DYNC2H1: variants seen among roughly 807,000 people sequenced by gnomAD.
The protein encoded by DYNC2H1 is cytoplasmic dynein 2 heavy chain 1.
In DYNC2H1, 410 loss-of-function variants were observed where a neutral mutation model predicts 570.0. That is an observed-to-expected ratio of 0.72 (90% CI 0.66 to 0.78). The LOEUF is 0.78. DYNC2H1 is among the 30% of genes least tolerant of loss of function. DYNC2H1 has a pLI of 0.00. For missense variants in DYNC2H1, 4,865 were observed against 5,046.4 expected (o/e 0.96, Z 1.09); for synonymous variants, 1,688 against 1,677.6 (o/e 1.01, Z -0.15).
Position 103,472,721 on chromosome 11 carries a change from A to G in DYNC2H1, c.12765+4016A>G, listed in dbSNP as rs1184740496. Among the ~76,000 whole-genome samples the G allele has an allele frequency of 6.6e-6, 1 of 152,208 alleles. No homozygotes were observed. Among genetic ancestry groups the G allele is most frequent in the African/African-American group, 2.4e-5 (1 of 41,448 alleles). ...ATTAAGCTTTAAAAAAAATTTTGAA[A>G]TAGGAATTGTAATCTCCATTTTAAA... On this transcript the variant is annotated intron_variant, in intron 88 of 88. Coordinates refer to ENST00000375735, the MANE Select transcript of DYNC2H1 (RefSeq NM_001377.3). The surrounding 1 kb of genome is among the most constrained non-coding windows in gnomAD (Gnocchi z 4.1).
chr11:103,129,118 G>A lies in DYNC2H1; in HGVS notation c.1953+113G>A, dbSNP rs1403906732. ...TATCAAATGATCTAGATTTTGTTTT[G>A]CTTCCAGGGACTTCCTTCAATCTTA... On this transcript the variant is annotated intron_variant, in intron 13 of 88. Coordinates refer to ENST00000375735, the MANE Select transcript of DYNC2H1 (RefSeq NM_001377.3). This position sits in a 1 kb window ranked among gnomAD's most constrained non-coding sequence, Gnocchi z 4.1. 3 of 857,458 alleles carry A rather than the reference G, an allele frequency of 3.5e-6. No individual in the cohort carries two copies. The highest frequency in any genetic ancestry group is 5.2e-6 in the Non-Finnish European group (3 of 576,346). The allele number at this position is 857,458 out of a possible 1,614,324, so 53.1% of individuals were successfully genotyped here.
chr11:103,278,298 G>A (rs1233941640), intron 70 of DYNC2H1, among the ~76,000 whole-genome samples: 2 of 152,106 alleles, frequency 1.3e-5, no homozygotes, highest in Non-Finnish European at 2.9e-5. Flanking sequence ...TTCATTATTA[G>A]TACTAATAAA....
At chr11:103,332,429 G>A (rs1336256166) in intron 82 of DYNC2H1, among the ~76,000 whole-genome samples, 3 of 151,852 alleles carry the variant, frequency 2.0e-5, no homozygotes, top group Non-Finnish European at 4.4e-5. Flanking sequence ...ACACCATGCT[G>A]GATAAATTTC....
chr11:103,355,152 G>T (rs984112587), intron 82 of DYNC2H1, among the ~76,000 whole-genome samples: 5 of 151,714 alleles, frequency 3.3e-5, no homozygotes, highest in Admixed American at 6.6e-5. Flanking sequence ...TAAATTTTAA[G>T]TCATTAGTTG....
chr11:103,420,749 C>A (rs1317320971), intron 84 of DYNC2H1, among the ~76,000 whole-genome samples: 2 of 152,122 alleles, frequency 1.3e-5, no homozygotes, highest in African/African-American at 2.4e-5. Context: ...GAAATGAAAA[C>A]CTGTTACCAG....
chr11:103,359,372 C>T (rs534895993), intron 83 of DYNC2H1, among the ~76,000 whole-genome samples: 2 of 152,278 alleles, frequency 1.3e-5, no homozygotes, highest in African/African-American at 4.8e-5. Flanking sequence ...ACAGTTGACT[C>T]TTCCATCTGT....
chr11:103,418,976 G>A (rs1943381236), intron 84 of DYNC2H1, among the ~76,000 whole-genome samples: 1 of 152,176 alleles, frequency 6.6e-6, no homozygotes, highest in Non-Finnish European at 1.5e-5. Flanking sequence ...TACCCAGCAA[G>A]GAAAGAGTCC....
intron 52 of DYNC2H1, among the ~76,000 whole-genome samples, chr11:103,207,631 A>T (rs1376677100): frequency 6.6e-6 from 1 of 152,170 alleles, no homozygotes; most frequent in African/African-American, 2.4e-5. Context: ...CATGGAAAAC[A>T]GTAGTTTGGG....
At chr11:103,397,585 T>C (rs1877755) in intron 83 of DYNC2H1, among the ~76,000 whole-genome samples, 77,682 of 152,036 alleles carry the variant, frequency 0.51, 20,162 homozygotes, top group African/African-American at 0.62. Context: ...ATTGTGGGGA[T>C]TGCTAAATCA....
intron 84 of DYNC2H1, among the ~76,000 whole-genome samples, chr11:103,417,902 T>C (rs537934391): frequency 6.6e-6 from 1 of 151,478 alleles, no homozygotes; most frequent in South Asian, 2.1e-4. Context: ...TGATCAATGT[T>C]ATTTACCATA....
At chr11:103,388,936 T>G (rs1942012459) in intron 83 of DYNC2H1, among the ~76,000 whole-genome samples, 1 of 152,216 alleles carries the variant, frequency 6.6e-6, no homozygotes, top group South Asian at 2.1e-4. Flanking sequence ...TGCATTGATG[T>G]TCATCAGGGA....
At chr11:103,222,387 G>C (rs2135154677) in intron 58 of DYNC2H1, among the ~76,000 whole-genome samples, 1 of 152,238 alleles carries the variant, frequency 6.6e-6, no homozygotes, top group Admixed American at 6.5e-5. Context: ...TGTATCTGCT[G>C]TTAATGTTCT....
intron 30 of DYNC2H1, among the ~76,000 whole-genome samples, chr11:103,164,717 T>C (rs1282935604): frequency 1.3e-5 from 2 of 152,222 alleles, no homozygotes; most frequent in Non-Finnish European, 2.9e-5. Context: ...TTAATTGTCA[T>C]TACATTTTAG....
intron 83 of DYNC2H1, among the ~76,000 whole-genome samples, chr11:103,396,577 A>G (rs959684384): frequency 6.6e-6 from 1 of 152,186 alleles, no homozygotes; most frequent in African/African-American, 2.4e-5. Flanking sequence ...AACAAACAAA[A>G]AGAATGCTAC....
intron 57 of DYNC2H1, 139 bp downstream of exon 57, chr11:103,220,922 A>G: frequency 1.3e-6 from 1 of 750,916 alleles, no homozygotes; most frequent in Non-Finnish European, 2.1e-6. Flanking sequence ...TGAAATTTCA[A>G]GGTATTCTAT....
rs35142548 is a variant in DYNC2H1 at position 103,260,619 on chromosome 11, ATT to A, written c.10695+658_10695+659del. Among the ~76,000 whole-genome samples the A allele has an allele frequency of 3.7e-3, 524 of 139,998 alleles. 5 individuals are homozygous for A. Among genetic ancestry groups the A allele is most frequent in the Middle Eastern group, 7.4e-3 (2 of 272 alleles). The allele number at this position is 139,998 out of a possible 152,430, so 91.8% of individuals were successfully genotyped here. A position where few individuals can be genotyped will look rare whatever the true frequency, so the allele number is the denominator to read the frequency against. On this transcript the variant is annotated intron_variant, in intron 70 of 88. Coordinates refer to ENST00000375735, the MANE Select transcript of DYNC2H1 (RefSeq NM_001377.3). ...ACGCAGAGGCCTTTTTGTACTTAGA[ATT>A]TTTTTTTTTTTTTTTGGAGACAGAG...
intron 47 of DYNC2H1, among the ~76,000 whole-genome samples, chr11:103,192,964 C>T (rs1862376849): frequency 6.6e-6 from 1 of 152,158 alleles, no homozygotes; most frequent in Admixed American, 6.5e-5. Context: ...ATAATAAATA[C>T]ATTTTATACA....
intron 84 of DYNC2H1, among the ~76,000 whole-genome samples, chr11:103,412,716 C>CTGTT (rs1169373634): frequency 6.6e-6 from 1 of 152,102 alleles, no homozygotes; most frequent in African/African-American, 2.4e-5. Flanking sequence ...ATTTTCAAAA[C>CTGTT]TGTTTAATCA....
At chr11:103,183,646 C>G (rs1368045908) in intron 40 of DYNC2H1, among the ~76,000 whole-genome samples, 1 of 151,768 alleles carries the variant, frequency 6.6e-6, no homozygotes, top group Non-Finnish European at 1.5e-5. Flanking sequence ...CTTCCTCAGC[C>G]TATGGGATAA....
Sources: allele counts gnomAD v4.1 joint callset (sites outside exome capture counted in the v4.1 genomes callset), GRCh38; gene constraint gnomAD v4.1.1; non-coding constraint Gnocchi (gnomAD v3.1); transcripts MANE v1.5; gene names NCBI Gene and HGNC (gene_info 2026-07-23, HGNC 2026-07-21).